DNAH12: variants seen among roughly 807,000 people sequenced by gnomAD.
The protein encoded by DNAH12 is dynein axonemal heavy chain 12, also known as axonemal beta dynein heavy chain 12.
In DNAH12, 285 loss-of-function variants were observed where a neutral mutation model predicts 371.5. The observed-to-expected ratio is 0.77, with a 90% CI of 0.70 to 0.85. The LOEUF is 0.85. Ranked by LOEUF, DNAH12 falls within the 40% of genes least tolerant of loss-of-function variation. The pLI, the probability that DNAH12 is intolerant of heterozygous loss-of-function variation, is 0.00. For synonymous variants in DNAH12, 1,200 were observed against 1,213.0 expected, an observed-to-expected ratio of 0.99 and a Z score of 0.22; for missense variants, 3,611 against 3,689.4, an observed-to-expected ratio of 0.98 and a Z score of 0.55.
intron 44 of DNAH12, among the ~76,000 whole-genome samples, chr3:57,392,372 G>A (rs1449014568): frequency 1.3e-5 from 2 of 152,134 alleles, no homozygotes; most frequent in Admixed American, 1.3e-4. Flanking sequence ...GTAAACAGCT[G>A]AAGTATCAAT....
At chr3:57,442,970 G>A (rs530154022) in intron 29 of DNAH12, among the ~76,000 whole-genome samples, 3 of 152,258 alleles carry the variant, frequency 2.0e-5, no homozygotes, top group South Asian at 4.1e-4. Context: ...GTTTATGAAC[G>A]CTGAACTCAA....
At chr3:57,497,411 T>C (rs909820266) in intron 11 of DNAH12, among the ~76,000 whole-genome samples, 1 of 152,124 alleles carries the variant, frequency 6.6e-6, no homozygotes, top group African/African-American at 2.4e-5. Flanking sequence ...CAATGGAAAA[T>C]AGAGAATCCA....
At chr3:57,539,073 TCTCCAGC>T (rs1489605545) in intron 2 of DNAH12, among the ~76,000 whole-genome samples, 11 of 152,168 alleles carry the variant, frequency 7.2e-5, no homozygotes, top group Admixed American at 7.2e-4. Context: ...TCCTCCACTG[TCTCCAGC>T]CTTATCCAAA....
chr3:57,379,842 CAAAAAA>C (rs1170490495), intron 51 of DNAH12, among the ~76,000 whole-genome samples: 5 of 22,378 alleles, frequency 2.2e-4, no homozygotes, highest in South Asian at 2.3e-3. Context: ...CTCTGTCTCC[CAAAAAA>C]AAAAAAAAAA....
chr3:57,548,681 G>T (rs574819233), upstream of DNAH12, among the ~76,000 whole-genome samples: 66 of 152,152 alleles, frequency 4.3e-4, no homozygotes, highest in African/African-American at 1.5e-3. Flanking sequence ...ACTCCAGCCT[G>T]GGTGACAGAG....
chr3:57,301,922 C>T lies in DNAH12; in HGVS notation c.11207G>A (p.Arg3736His), dbSNP rs757664944. ...TTTTTCAAGGTCCCGTAGAGTGTTA[C>T]GTATAGTTATAATTAAACTGCAATG... is the stretch of plus-strand genomic sequence containing the variant. ...ERFNNLIITIRNTLRDLEKAI... is the reference protein window; with the variant it reads ...ERFNNLIITIHNTLRDLEKAI... The change falls in exon 70 of 74, where the codon CGT (arginine) becomes CAT (histidine). Residue 3736 changes from arginine to histidine, a missense_variant. Arg to His is a conservative substitution (Grantham distance 29, BLOSUM62 0). Transcript: ENST00000495027. The T allele has an allele frequency of 1.4e-5, 22 of 1,551,316 alleles. No individual in the cohort carries two copies. The South Asian group carries it at 1.8e-4, about 13-fold the overall frequency.
At chr3:57,339,571 A>T (rs535396318) in intron 60 of DNAH12, among the ~76,000 whole-genome samples, 2 of 152,192 alleles carry the variant, frequency 1.3e-5, no homozygotes, top group South Asian at 4.2e-4. Flanking sequence ...TATACTTTCA[A>T]ATAGCTAGAA....
intron 11 of DNAH12, among the ~76,000 whole-genome samples, chr3:57,491,592 C>A (rs58184259): frequency 2.6e-5 from 4 of 151,844 alleles, no homozygotes; most frequent in African/African-American, 9.7e-5. Flanking sequence ...CTCCTAACTA[C>A]TCCCCTGTCC....
At chr3:57,477,146 G>T (rs990447624) in intron 13 of DNAH12, among the ~76,000 whole-genome samples, 1 of 152,196 alleles carries the variant, frequency 6.6e-6, no homozygotes, top group Non-Finnish European at 1.5e-5. Flanking sequence ...CCTGGGGAGT[G>T]CAAGGGGTCA....
chr3:57,374,273 A>C (rs2063236408), intron 55 of DNAH12, among the ~76,000 whole-genome samples: 1 of 152,214 alleles, frequency 6.6e-6, no homozygotes, highest in Admixed American at 6.5e-5. Flanking sequence ...CCTAACTCAC[A>C]GGATGTTGTG....
chr3:57,322,317 T>C (rs1438290972), intron 65 of DNAH12, 26 bp downstream of exon 65: 43 of 1,534,754 alleles, frequency 2.8e-5, no homozygotes, highest in Non-Finnish European at 3.7e-5. Flanking sequence ...AAACACATTT[T>C]AAAAGTTCCA....
intron 5 of DNAH12, among the ~76,000 whole-genome samples, chr3:57,509,589 C>A (rs1018538269): frequency 6.6e-6 from 1 of 151,974 alleles, no homozygotes; most frequent in South Asian, 2.1e-4. Flanking sequence ...AGGCCGAGCG[C>A]GGTGGCTCAT....
intron 55 of DNAH12, among the ~76,000 whole-genome samples, chr3:57,370,231 G>A (rs2153336055): frequency 6.6e-6 from 1 of 152,248 alleles, no homozygotes; most frequent in Admixed American, 6.5e-5. Flanking sequence ...CCTCCACCTA[G>A]GAGACATAGT....
intron 57 of DNAH12, among the ~76,000 whole-genome samples, chr3:57,366,178 A>G (rs1488967704): frequency 3.3e-5 from 5 of 152,130 alleles, no homozygotes; most frequent in African/African-American, 7.2e-5. Context: ...GATGGCCACA[A>G]AAGTGACCTC....
rs2065443915 is a variant in DNAH12, at chr3:57,445,174, A to T, written c.4425T>A (p.Leu1475=). The change falls in exon 28 of 74, where the codon CTT becomes CTA. Residue 1475 remains leucine, a splice_region_variant and synonymous_variant. Transcript: ENST00000495027. ...CCCAATGTGTATATTTAATACTTAC[A>T]AGTATATCTTCATTTTCATTTGGGT... is the stretch of plus-strand genomic sequence containing the variant. ...LKYPNENEDI[L]LLRSIKDVNE... is the part of the protein sequence containing the mutation. The T allele has an allele frequency of 6.5e-7, 1 of 1,536,524 alleles. No homozygotes were observed. Among genetic ancestry groups the T allele is most frequent in the Non-Finnish European group, 8.8e-7 (1 of 1,138,366 alleles).
intron 73 of DNAH12, among the ~76,000 whole-genome samples, chr3:57,294,522 G>A (rs2061192755): frequency 6.6e-6 from 1 of 152,078 alleles, no homozygotes; most frequent in Non-Finnish European, 1.5e-5. Flanking sequence ...TGGAAGACAG[G>A]AATAGACTTT....
intron 38 of DNAH12, among the ~76,000 whole-genome samples, chr3:57,414,708 C>A (rs1302784898): frequency 6.6e-6 from 1 of 151,834 alleles, no homozygotes; most frequent in Admixed American, 6.6e-5. Context: ...TCTTATAGTT[C>A]TAATACTTTG....
At position 57,375,853 on chromosome 3, in the gene DNAH12, G is replaced by A. The variant is rs1254270600; in HGVS notation, c.8578C>T (p.Gln2860Ter). 1 of 152,080 alleles carries A rather than the reference G, an allele frequency of 6.6e-6. No homozygotes were observed. Among genetic ancestry groups the A allele is most frequent in the Non-Finnish European group, 1.5e-5 (1 of 68,002 alleles). The allele number at this position is 152,080 out of a possible 1,614,324, so 9.4% of individuals were successfully genotyped here. ...ATGCTCCAATCTTTTGTACATGTTT[G>A]TCGAAAGCCAGAAGTGAAAGCACCA... ...YLGAFTSGFR[Q>*]TCTKDWSMLC... is the part of the protein sequence containing the mutation. The change falls in exon 54 of 74, where the codon CAA (glutamine) becomes TAA (stop). Residue 2860 changes from glutamine (Q) to a stop codon, truncating the protein, a stop_gained. Coordinates refer to ENST00000495027, the MANE Select transcript of DNAH12 (RefSeq NM_001366028.2). LOFTEE classifies it high-confidence loss of function.
intron 29 of DNAH12, among the ~76,000 whole-genome samples, chr3:57,440,127 A>G (rs1464653595): frequency 6.6e-6 from 1 of 152,226 alleles, no homozygotes; most frequent in Admixed American, 6.5e-5. Context: ...GAGATTTCTC[A>G]AAAAACTTAA....
Sources: gnomAD v4.1 joint callset for allele counts (sites outside exome capture counted in the v4.1 genomes callset) on GRCh38, gnomAD v4.1.1 for gene constraint, MANE v1.5 for transcripts, NCBI Gene and HGNC (gene_info 2026-07-23, HGNC 2026-07-21) for gene names.